The following RMND5B variants were observed in gnomAD, a reference collection of about 807,000 sequenced individuals.
RMND5B encodes the protein required for meiotic nuclear division 5 homolog B.
In RMND5B, 42 loss-of-function variants were observed where a neutral mutation model predicts 50.4. The observed-to-expected ratio is 0.83, with a 90% CI of 0.65 to 1.08. The LOEUF (loss-of-function observed/expected upper bound fraction) is 1.08. Ranked by LOEUF, RMND5B falls within the 50% of genes least tolerant of loss-of-function variation. The probability of loss-of-function intolerance (pLI) is 0.00; values close to 1 mark genes in which losing one functional copy is unlikely to be tolerated. For synonymous variants in RMND5B, 220 were observed against 210.0 expected (o/e 1.05, Z -0.41); for missense variants, 463 against 508.5 (o/e 0.91, Z 0.86).
Position 178,146,204 on chromosome 5 carries a change from C to G in RMND5B, c.785C>G (p.Ala262Gly). Residue 262 changes from alanine (A) to glycine (G), a missense_variant, in exon 8 of 11, where the codon GCA becomes GGA. By Grantham distance (60) the Ala-to-Gly change is moderately conservative. Transcript: ENST00000313386. ...YCHLLDSSHW[A>G]EICETFTRDA... ...CACCTGCTGGACAGCAGCCACTGGG[C>G]AGAGATCTGTGAGACCTTTACCCGG... 1 of 1,614,198 alleles carries G rather than the reference C, an allele frequency of 6.2e-7. No homozygotes were observed. Among genetic ancestry groups the G allele is most frequent in the Non-Finnish European group, 8.5e-7 (1 of 1,180,014 alleles).
intron 3 of RMND5B, among the ~76,000 whole-genome samples, chr5:178,139,710 ATTTTTTTTTT>A (rs113719288): frequency 1.6e-4 from 21 of 129,900 alleles, no homozygotes; most frequent in Non-Finnish European, 2.9e-4. Flanking sequence ...TGCCTGGCTA[ATTTTTTTTTT>A]TTTTTTTTTG....
In RMND5B at chr5:178,138,972, C is replaced by T. The variant is rs961177355; in HGVS notation, c.139+714C>T. The stretch of plus-strand genomic sequence containing the variant: ...TCCCAGCACTTCGGGAGCCCGAGGC[C>T]GACAGATCACCTGAGATCAGGAGTT... On this transcript the variant is annotated intron_variant, in intron 3 of 10. Transcript: ENST00000313386. The surrounding 1 kb of genome is among the most constrained non-coding windows in gnomAD (Gnocchi z 5.1). 6.6e-6 allele frequency among the ~76,000 whole-genome samples: 1 copy of T among 151,950 alleles called. No individual in the cohort carries two copies. Among genetic ancestry groups the T allele is most frequent in the East Asian group, 2.0e-4 (1 of 5,090 alleles).
intron 3 of RMND5B, among the ~76,000 whole-genome samples, chr5:178,139,122 C>T (rs934810159): frequency 6.6e-6 from 1 of 151,952 alleles, no homozygotes. Flanking sequence ...GGCAACAGAG[C>T]AAGACTCGTC....
At position 178,135,645 on chromosome 5, in the gene RMND5B, A is replaced by G. The variant is rs79709016; in HGVS notation, c.-12-2463A>G. ...TGTTTCCCACTCCTTGCTACAATGC[A>G]ATCCCGTACCCATCTCCTTCCTCAG... is the stretch of plus-strand genomic sequence containing the variant. On this transcript the variant is annotated intron_variant, in intron 2 of 10. Transcript: ENST00000313386. Among the ~76,000 whole-genome samples the G allele has an allele frequency of 5.3e-4, 80 of 152,342 alleles. 1 individual carries two copies. Among genetic ancestry groups the G allele is most frequent in the African/African-American group, 1.9e-3 (78 of 41,576 alleles).
At chr5:178,139,102 C>G (rs1357048358) in intron 3 of RMND5B, among the ~76,000 whole-genome samples, 2 of 152,104 alleles carry the variant, frequency 1.3e-5, no homozygotes, top group East Asian at 3.9e-4. Flanking sequence ...CGCCACTGCA[C>G]TCCAACCTGG....
At position 178,149,436 on chromosome 5, in the gene RMND5B, TAAG is replaced by T. The variant is rs1756200967; in HGVS notation, c.*1407_*1409del. On this transcript the variant is annotated 3_prime_UTR_variant, in exon 11 of 11. Coordinates refer to ENST00000313386, the MANE Select transcript of RMND5B (RefSeq NM_022762.5). ...GCTGGCCCAACCAGCAGCTGCTGCTTAAGAAAACACCCACAGACTCACCACATT... is the reference window on the plus strand; with the variant it reads ...GCTGGCCCAACCAGCAGCTGCTGCTTAAAACACCCACAGACTCACCACATT... 11 of 396,134 alleles carry T rather than the reference TAAG, an allele frequency of 2.8e-5. No homozygotes were observed. Among genetic ancestry groups the T allele is most frequent in the South Asian group, 2.5e-4 (11 of 44,338 alleles). 24.5% of individuals were successfully genotyped at this position (396,134 alleles called of 1,614,324 possible).
chr5:178,145,980 C>T, intron 7 of RMND5B, 134 bp from the exon 8 acceptor site: 1 of 854,112 alleles, frequency 1.2e-6, no homozygotes, highest in Non-Finnish European at 1.7e-6. Context: ...ATTTTCATCC[C>T]TGCTCAGTCT....
At chr5:178,132,848 CTT>C (rs1285151302) in intron 2 of RMND5B, among the ~76,000 whole-genome samples, 1 of 112,638 alleles carries the variant, frequency 8.9e-6, no homozygotes, top group South Asian at 3.4e-4. Context: ...GTTGTCTAAT[CTT>C]TTTTTTTTGT....
intron 2 of RMND5B, chr5:178,135,387 T>C: frequency 6.1e-6 from 1 of 165,040 alleles, no homozygotes; most frequent in Non-Finnish European, 1.4e-5. Context: ...CCTCCCAAAA[T>C]GCTGAGATTA....
intron 2 of RMND5B, among the ~76,000 whole-genome samples, chr5:178,132,867 T>G (rs1460659747): frequency 9.5e-6 from 1 of 105,724 alleles, no homozygotes; most frequent in Non-Finnish European, 1.8e-5. Context: ...TTGTTTTTGT[T>G]TGTTTGTTTG....
At chr5:178,139,917 C>T (rs944470763) in intron 3 of RMND5B, among the ~76,000 whole-genome samples, 1 of 152,114 alleles carries the variant, frequency 6.6e-6, no homozygotes, top group Non-Finnish European at 1.5e-5. Flanking sequence ...CAAGATCACA[C>T]ACTGCATTTA....
chr5:178,150,396 TGA>T lies in RMND5B; in HGVS notation c.*2367_*2368del. The stretch of plus-strand genomic sequence containing the variant: ...ACCCCCAGCCTCTATTTTTTTTTTT[TGA>T]GACAGGGCCTCACTCTGTCATGCAG... On this transcript the variant is annotated 3_prime_UTR_variant, in exon 11 of 11. Coordinates refer to ENST00000313386, the MANE Select transcript of RMND5B (RefSeq NM_022762.5). The T allele has an allele frequency of 7.9e-6, 2 of 254,732 alleles. No homozygotes were observed. The highest frequency in any genetic ancestry group is 1.6e-5 in the Non-Finnish European group (2 of 128,358). 15.8% of individuals were successfully genotyped at this position (254,732 alleles called of 1,614,324 possible). A position where few individuals can be genotyped will look rare whatever the true frequency, so the allele number is the denominator to read the frequency against.
In RMND5B at chr5:178,132,215, A is replaced by G. The variant is rs1758352635; in HGVS notation, c.-13+839A>G. On this transcript the variant is annotated intron_variant, in intron 2 of 10. Transcript: ENST00000313386. ...CAGCACTTTGGGAGGCCAAGGCGGG[A>G]GGATCACTTGAGGCCAGGAGTTCAA... is the stretch of plus-strand genomic sequence containing the variant. 2.0e-5 allele frequency among the ~76,000 whole-genome samples: 3 copies of G among 152,034 alleles called. 1 individual carries two copies. The South Asian group carries it at 6.2e-4, about 32-fold the overall frequency.
rs1756224216 is a variant in RMND5B at position 178,149,977 on chromosome 5, G to C, written c.*1945G>C. On this transcript the variant is annotated 3_prime_UTR_variant, in exon 11 of 11. Coordinates refer to ENST00000313386, the MANE Select transcript of RMND5B (RefSeq NM_022762.5). ...TCCATGTTCTATTTAAAAGCATCTT[G>C]AATTGGTTGCCATCATTTAAACTCA... The C allele has an allele frequency of 1.1e-6, 1 of 913,946 alleles. No individual in the cohort carries two copies. Among genetic ancestry groups the C allele is most frequent in the African/African-American group, 1.7e-5 (1 of 59,904 alleles). 56.6% of individuals were successfully genotyped at this position (913,946 alleles called of 1,614,324 possible).
intron 7 of RMND5B, 21 bp from the exon 8 acceptor site, chr5:178,146,092 GC>G (rs746899145): frequency 3.9e-5 from 63 of 1,612,678 alleles, no homozygotes; most frequent in Admixed American, 8.3e-5. Context: ...CCCCTGAGCT[GC>G]CCCCTCTGGT....
intron 3 of RMND5B, among the ~76,000 whole-genome samples, chr5:178,139,339 G>C (rs1758791490): frequency 1.3e-5 from 2 of 151,528 alleles, no homozygotes; most frequent in Non-Finnish European, 2.9e-5. Flanking sequence ...CCGAGTAGCT[G>C]GAATTAAAGG....
At chr5:178,144,500 A>G in intron 7 of RMND5B, among the ~76,000 whole-genome samples, 1 of 151,776 alleles carries the variant, frequency 6.6e-6, no homozygotes. Flanking sequence ...TAATCCCAAT[A>G]TTTTGGGAGG....
chr5:178,132,765 A>G (rs1408213496), intron 2 of RMND5B, among the ~76,000 whole-genome samples: 3 of 45,556 alleles, frequency 6.6e-5, no homozygotes, highest in Non-Finnish European at 1.3e-4. Flanking sequence ...AAGCAACCCT[A>G]TTAACTGAAG....
intron 7 of RMND5B, 190 bp from the exon 8 acceptor site, chr5:178,145,924 A>G: frequency 1.7e-6 from 1 of 573,370 alleles, no homozygotes; most frequent in Non-Finnish European, 3.1e-6. Flanking sequence ...AGCAGCCTGG[A>G]CCTCCACCTC....
Sources: gnomAD v4.1 joint callset for allele counts (sites outside exome capture counted in the v4.1 genomes callset) on GRCh38, gnomAD v4.1.1 for gene constraint, Gnocchi (gnomAD v3.1) non-coding constraint, MANE v1.5 for transcripts, NCBI Gene and HGNC (gene_info 2026-07-23, HGNC 2026-07-21) for gene names.